NSUN7: variants seen among roughly 807,000 people sequenced by gnomAD.
The protein encoded by NSUN7 is NOP2/Sun RNA methyltransferase family member 7.
NSUN7 carries 39 observed loss-of-function variants against 58.5 expected under a neutral mutation model. The observed-to-expected ratio is 0.67, with a 90% CI of 0.52 to 0.87. The LOEUF is 0.87. NSUN7 is among the 40% of genes least tolerant of loss of function. NSUN7 has a pLI of 0.00. For missense variants in NSUN7, 765 were observed against 844.1 expected, an observed-to-expected ratio of 0.91 and a Z score of 1.16; for synonymous variants, 278 against 303.7, an observed-to-expected ratio of 0.92 and a Z score of 0.88.
intron 7 of NSUN7, 34 bp from the exon 8 acceptor site, chr4:40,790,568 A>G: frequency 7.4e-7 from 1 of 1,347,048 alleles, no homozygotes; most frequent in Non-Finnish European, 1.0e-6. Flanking sequence ...TTTCATTAAT[A>G]TTTTACATTA....
intron 7 of NSUN7, among the ~76,000 whole-genome samples, chr4:40,782,124 C>T (rs533596209): frequency 3.3e-5 from 5 of 151,858 alleles, no homozygotes; most frequent in East Asian, 1.9e-4. Flanking sequence ...GGATACAAAA[C>T]GAATATATAA....
chr4:40,808,029 CAAAAAAA>C (rs397878278), intron 11 of NSUN7, among the ~76,000 whole-genome samples: 2 of 60,172 alleles, frequency 3.3e-5, no homozygotes, highest in Middle Eastern at 0.011. Context: ...GACTCCATCT[CAAAAAAA>C]AAAAAAAAAA....
rs140719015 is a variant in NSUN7 at position 40,752,068 on chromosome 4, G to A, written c.298+1077G>A. 4.4e-3 allele frequency among the ~76,000 whole-genome samples: 664 copies of A among 152,260 alleles called. 16 individuals carry two copies. Among genetic ancestry groups the A allele is most frequent in the Admixed American group, 0.04 (605 of 15,292 alleles). On this transcript the variant is annotated intron_variant, in intron 2 of 11. Coordinates refer to ENST00000381782, the MANE Select transcript of NSUN7 (RefSeq NM_024677.6). ...AAAAGGCTTGAAGTTGTTTGTTTTC[G>A]TACTAGCTGTGACTAAAAACTTTAT...
intron 2 of NSUN7, among the ~76,000 whole-genome samples, chr4:40,753,864 T>A (rs1476976768): frequency 6.6e-6 from 1 of 152,078 alleles, no homozygotes; most frequent in Non-Finnish European, 1.5e-5. Flanking sequence ...AGGGGGAGTT[T>A]CCCTGCACAA....
Position 40,799,907 on chromosome 4 carries a change from AT to A in NSUN7, c.1400+1011del, listed in dbSNP as rs886870253. ...TCATGATAAAATTTGCAAATTTGTA[AT>A]TTTTTTTGTTCCCCATTGTAAAAAT... On this transcript the variant is annotated intron_variant, in intron 10 of 11. Transcript: ENST00000381782. Among the ~76,000 whole-genome samples the A allele has an allele frequency of 1.3e-3, 199 of 152,054 alleles. 1 individual carries two copies. Among genetic ancestry groups the A allele is most frequent in the African/African-American group, 4.4e-3 (184 of 41,486 alleles).
chr4:40,752,622 G>T (rs562602538), intron 2 of NSUN7, among the ~76,000 whole-genome samples: 1 of 151,934 alleles, frequency 6.6e-6, no homozygotes, highest in Non-Finnish European at 1.5e-5. Flanking sequence ...GGGTTTCACG[G>T]TGTTAGCCAG....
intron 2 of NSUN7, among the ~76,000 whole-genome samples, chr4:40,753,935 A>T (rs1410611985): frequency 1.3e-5 from 2 of 152,084 alleles, no homozygotes; most frequent in African/African-American, 4.8e-5. Flanking sequence ...CATGATTGTG[A>T]GGCCTCCCCA....
At chr4:40,781,595 G>A (rs947133925) in intron 7 of NSUN7, among the ~76,000 whole-genome samples, 1 of 152,052 alleles carries the variant, frequency 6.6e-6, no homozygotes, top group Non-Finnish European at 1.5e-5. Context: ...ACAGGCATGT[G>A]CCACCACACC....
chr4:40,761,212 T>G lies in NSUN7; in HGVS notation c.399T>G (p.Asp133Glu), dbSNP rs1235993974. The change falls in exon 4 of 12, where the codon GAT (aspartate) becomes GAG (glutamate). Residue 133 changes from aspartate (D) to glutamate (E), a missense_variant. Coordinates refer to ENST00000381782, the MANE Select transcript of NSUN7 (RefSeq NM_024677.6). ...GTCTTATTATTGTGATGCTATATGA[T>G]TTCCAAGATAGAAAATTTCAAACTC... ...LSSLIIVMLY[D>E]FQDRKFQTRV... The G allele has an allele frequency of 2.5e-6, 4 of 1,585,420 alleles. No individual in the cohort carries two copies. The highest frequency in any genetic ancestry group is 3.4e-6 in the Non-Finnish European group (4 of 1,171,276).
intron 10 of NSUN7, among the ~76,000 whole-genome samples, chr4:40,805,130 T>G (rs1470819059): frequency 6.6e-6 from 1 of 152,216 alleles, no homozygotes; most frequent in Non-Finnish European, 1.5e-5. Flanking sequence ...TCACCAAGTG[T>G]GAGCCATTGT....
Position 40,786,592 on chromosome 4 carries a change from C to A in NSUN7, c.1037-4010C>A. The A allele has an allele frequency of 3.1e-6, 5 of 1,613,252 alleles. No homozygotes were observed. In the South Asian group the frequency reaches 5.5e-5, roughly 18 times the overall value. ...AATGGGTGACCTGAGTTCATCAACT[C>A]CTTGGCATTTGCAGCCTACCTGTGC... On this transcript the variant is annotated intron_variant, in intron 7 of 11. Transcript: ENST00000381782.
Position 40,750,599 on chromosome 4 carries a change from A to C in NSUN7, c.-91-4A>C. The C allele has an allele frequency of 7.0e-7, 1 of 1,428,124 alleles. No individual in the cohort carries two copies. The highest frequency in any genetic ancestry group is 9.6e-7 in the Non-Finnish European group (1 of 1,040,800). The allele number at this position is 1,428,124 out of a possible 1,614,324, so 88.5% of individuals were successfully genotyped here. ...TTTACTGCAATCACCTTCTCTCTTC[A>C]CAGAGACCATGCTGCAGATGCGAGG... On this transcript the variant is annotated splice_region_variant and splice_polypyrimidine_tract_variant and intron_variant, in intron 1 of 11. Coordinates refer to ENST00000381782, the MANE Select transcript of NSUN7 (RefSeq NM_024677.6).
rs760093352 is a variant in NSUN7 at position 40,774,813 on chromosome 4, G to T, written c.688G>T (p.Val230Phe). 6.4e-7 allele frequency: 1 copy of T among 1,560,384 alleles called. No individual in the cohort carries two copies. The highest frequency in any genetic ancestry group is 1.7e-5 in the Admixed American group (1 of 57,862). Residue 230 changes from valine (V) to phenylalanine (F), a missense_variant, in exon 6 of 12, where the codon GTC (valine) becomes TTC (phenylalanine). By Grantham distance (50) the Val-to-Phe change is conservative. Transcript: ENST00000381782. Reference protein sequence around the residue: ...NNLKRRGYNKVKSVLHIDDKV... With the variant: ...NNLKRRGYNKFKSVLHIDDKV... ...TTTGAAGAGAAGAGGCTATAATAAA[G>T]TCAAATCTGTATTGCATATTGATGA... is the stretch of plus-strand genomic sequence containing the variant.
chr4:40,771,101 T>C (rs1227538943), intron 4 of NSUN7, among the ~76,000 whole-genome samples: 2 of 152,128 alleles, frequency 1.3e-5, no homozygotes, highest in South Asian at 2.1e-4. Context: ...GTTAAGATGA[T>C]TTTTTGCAAC....
chr4:40,786,528 G>T (rs1364533926), intron 7 of NSUN7: 6 of 1,613,004 alleles, frequency 3.7e-6, no homozygotes, highest in African/African-American at 1.3e-5. Flanking sequence ...AAGATTTGAA[G>T]AACTCATTGT....
chr4:40,798,270 G>A (rs1455701113), intron 9 of NSUN7, among the ~76,000 whole-genome samples: 6 of 152,214 alleles, frequency 3.9e-5, no homozygotes, highest in African/African-American at 1.4e-4. Flanking sequence ...AACAGTGCCT[G>A]TCTGGCAGGT....
In NSUN7 at chr4:40,774,896, T is replaced by C. The variant is rs1742192237; in HGVS notation, c.771T>C (p.Leu257=). 7.7e-7 allele frequency: 1 copy of C among 1,299,972 alleles called. No homozygotes were observed. Among genetic ancestry groups the C allele is most frequent in the Non-Finnish European group, 1.1e-6 (1 of 896,758 alleles). The allele number at this position is 1,299,972 out of a possible 1,614,324, so 80.5% of individuals were successfully genotyped here. A position where few individuals can be genotyped will look rare whatever the true frequency, so the allele number is the denominator to read the frequency against. ...CYDVLIFPSH[L]KNDLINIDLF... ...ATGTCTTAATTTTTCCATCTCATCT[T>C]AAAAATGATCTTATAAATATAGATC... The change falls in exon 6 of 12, where the codon CTT becomes CTC. Residue 257 remains leucine (L), a synonymous_variant. Coordinates refer to ENST00000381782, the MANE Select transcript of NSUN7 (RefSeq NM_024677.6).
In NSUN7 at chr4:40,775,397, C is replaced by A; in HGVS notation, c.825+447C>A. On this transcript the variant is annotated intron_variant, in intron 6 of 11. Transcript: ENST00000381782. This position sits in a 1 kb window ranked among gnomAD's most constrained non-coding sequence, Gnocchi z 4.3. Reference sequence around the variant, plus strand: ...TTTGTAAGAGGTATATAAAGGCTATCAATATAGGAAGAGAATGTGAGGTAT... The same window carrying A: ...TTTGTAAGAGGTATATAAAGGCTATAAATATAGGAAGAGAATGTGAGGTAT... The A allele has an allele frequency of 6.5e-6, 1 of 152,742 alleles. No homozygotes were observed. The highest frequency in any genetic ancestry group is 1.5e-5 in the Non-Finnish European group (1 of 68,482). The allele number at this position is 152,742 out of a possible 1,614,324, so 9.5% of individuals were successfully genotyped here.
Position 40,774,777 on chromosome 4 carries a change from GT to G in NSUN7, c.655del (p.Tyr219IlefsTer4). 1 of 1,520,582 alleles carries G rather than the reference GT, an allele frequency of 6.6e-7. No homozygotes were observed. Among genetic ancestry groups the G allele is most frequent in the South Asian group, 1.2e-5 (1 of 82,906 alleles). 94.2% of individuals were successfully genotyped at this position (1,520,582 alleles called of 1,614,324 possible). On this transcript the variant is annotated frameshift_variant, in exon 6 of 12. Transcript: ENST00000381782. LOFTEE classifies it high-confidence loss of function. ...GTTGTATATTTACAGCCCTGAAGAA[GT>G]TTATAATAATTTGAAGAGAAGAGGC... is the stretch of plus-strand genomic sequence containing the variant. Reference protein sequence around the residue: ...INTCKISPEEVYNNLKRRGYN... With the variant: ...INTCKISPEEXYNNLKRRGYN...
Sources: gnomAD v4.1 joint callset for allele counts (sites outside exome capture counted in the v4.1 genomes callset) on GRCh38, gnomAD v4.1.1 for gene constraint, Gnocchi (gnomAD v3.1) non-coding constraint, MANE v1.5 for transcripts, NCBI Gene and HGNC (gene_info 2026-07-23, HGNC 2026-07-21) for gene names.